The following PRKCA variants were observed in gnomAD, a reference collection of about 807,000 sequenced individuals.
The protein encoded by PRKCA is protein kinase C alpha.
In PRKCA, 27 loss-of-function variants were observed where a neutral mutation model predicts 87.0. That is an observed-to-expected ratio of 0.31 (90% CI 0.23 to 0.43). PRKCA has a LOEUF of 0.43. Ranked by LOEUF, PRKCA falls within the 20% of genes least tolerant of loss-of-function variation. The pLI is 1.00. For synonymous variants in PRKCA, 329 were observed against 311.1 expected, an observed-to-expected ratio of 1.06 and a Z score of -0.61; for missense variants, 518 against 852.3, an observed-to-expected ratio of 0.61 and a Z score of 4.88.
chr17:66,340,261 A>G (rs1385189050), intron 2 of PRKCA, among the ~76,000 whole-genome samples: 1 of 152,122 alleles, frequency 6.6e-6, no homozygotes, highest in African/African-American at 2.4e-5. Context: ...GATAATCTCA[A>G]TAATAGAAAA....
At chr17:66,579,191 A>G (rs1248891618) in intron 3 of PRKCA, among the ~76,000 whole-genome samples, 3 of 152,348 alleles carry the variant, frequency 2.0e-5, no homozygotes, top group Middle Eastern at 3.4e-3. Context: ...TAGGGAAGAC[A>G]GACATCAAGC....
rs190428211 is a variant in PRKCA at position 66,306,886 on chromosome 17, C to T, written c.205+759C>T. ...TTAGCTAACTTTTCTGGCTCTCCTG[C>T]TCATTGTCTATATTGTGTTTATTTA... On this transcript the variant is annotated intron_variant, in intron 2 of 16. Coordinates refer to ENST00000413366, the MANE Select transcript of PRKCA (RefSeq NM_002737.3). 8.9e-4 allele frequency among the ~76,000 whole-genome samples: 136 copies of T among 152,234 alleles called. No individual in the cohort carries two copies. The Middle Eastern group carries it at 0.014, about 15-fold the overall frequency.
At chr17:66,739,638 A>G (rs1974113004) in intron 11 of PRKCA, among the ~76,000 whole-genome samples, 1 of 152,170 alleles carries the variant, frequency 6.6e-6, no homozygotes, top group Non-Finnish European at 1.5e-5. Context: ...AACCCCACGA[A>G]ATGACCGGCT....
intron 2 of PRKCA, among the ~76,000 whole-genome samples, chr17:66,388,994 G>A (rs1367554480): frequency 3.9e-5 from 6 of 152,276 alleles, no homozygotes; most frequent in Middle Eastern, 3.4e-3. Context: ...GTGGGAAATC[G>A]TGAATTCGTG....
chr17:66,342,892 A>ATC (rs750327860), intron 2 of PRKCA, among the ~76,000 whole-genome samples: 46 of 152,356 alleles, frequency 3.0e-4, no homozygotes, highest in Admixed American at 5.2e-4. Context: ...ATTACTTGTC[A>ATC]TCCATCCTTG....
chr17:66,508,918 C>T (rs1348332089), intron 3 of PRKCA, among the ~76,000 whole-genome samples: 2 of 152,178 alleles, frequency 1.3e-5, no homozygotes. Flanking sequence ...TACAGAGTCA[C>T]TCACAGCGGC....
At chr17:66,558,511 A>C (rs1327256522) in intron 3 of PRKCA, among the ~76,000 whole-genome samples, 3 of 152,310 alleles carry the variant, frequency 2.0e-5, no homozygotes, top group South Asian at 2.1e-4. Context: ...CACCCGGGGC[A>C]AAGGGGGACC....
intron 2 of PRKCA, among the ~76,000 whole-genome samples, chr17:66,341,225 CA>C (rs1198676464): frequency 6.6e-6 from 1 of 152,158 alleles, no homozygotes; most frequent in African/African-American, 2.4e-5. Flanking sequence ...TGGCAAGCCT[CA>C]CCATTTCTTC....
At chr17:66,772,370 TA>T (rs1317895501) in intron 13 of PRKCA, among the ~76,000 whole-genome samples, 1 of 152,184 alleles carries the variant, frequency 6.6e-6, no homozygotes, top group Non-Finnish European at 1.5e-5. Context: ...TGCCCACACT[TA>T]AACTGTTGGT....
chr17:66,497,496 CAAA>C, intron 3 of PRKCA, among the ~76,000 whole-genome samples: 1 of 112,178 alleles, frequency 8.9e-6, no homozygotes, highest in South Asian at 2.8e-4. Flanking sequence ...AACTCCGTCT[CAAA>C]AAAAAAAAAA....
intron 2 of PRKCA, among the ~76,000 whole-genome samples, chr17:66,483,282 A>C (rs148642561): frequency 7.1e-4 from 108 of 152,030 alleles, no homozygotes; most frequent in African/African-American, 2.5e-3. Flanking sequence ...GTTCCCTCAG[A>C]GAGCTGCAAG....
intron 2 of PRKCA, among the ~76,000 whole-genome samples, chr17:66,458,493 T>C (rs1340756622): frequency 6.6e-6 from 1 of 152,014 alleles, no homozygotes; most frequent in Non-Finnish European, 1.5e-5. Flanking sequence ...TTCCTTTTTT[T>C]TTTTGAGACG....
intron 2 of PRKCA, among the ~76,000 whole-genome samples, chr17:66,436,962 C>T (rs987384925): frequency 6.6e-6 from 1 of 152,050 alleles, no homozygotes; most frequent in Non-Finnish European, 1.5e-5. Flanking sequence ...AGCCGTTCAG[C>T]TGTGGGATGA....
rs189039130 is a variant in PRKCA, at chr17:66,641,486, C to T, written c.400+20C>T. On this transcript the variant is annotated intron_variant, in intron 4 of 16. Transcript: ENST00000413366. ...GTGACAGTAAGTAAGTTTTCTTTTC[C>T]AGTTCATAGCGAGGCTCTGTAGCTC... 1.8e-3 allele frequency: 2,789 copies of T among 1,569,662 alleles called. 9 individuals carry two copies. Among genetic ancestry groups the T allele is most frequent in the Non-Finnish European group, 1.6e-3 (1,866 of 1,143,438 alleles).
intron 16 of PRKCA, among the ~76,000 whole-genome samples, chr17:66,791,491 G>A (rs1975534548): frequency 6.6e-6 from 1 of 152,248 alleles, no homozygotes; most frequent in African/African-American, 2.4e-5. Flanking sequence ...CGTAGACGCT[G>A]TGTTCAAAAG....
intron 14 of PRKCA, among the ~76,000 whole-genome samples, chr17:66,779,677 A>G (rs1975156994): frequency 6.6e-6 from 1 of 152,120 alleles, no homozygotes; most frequent in South Asian, 2.1e-4. Context: ...CCTTTTTTGC[A>G]AAATGTGAAC....
intron 13 of PRKCA, among the ~76,000 whole-genome samples, chr17:66,761,054 T>G (rs958073961): frequency 6.6e-6 from 1 of 152,198 alleles, no homozygotes; most frequent in Non-Finnish European, 1.5e-5. Context: ...CAATTGTACA[T>G]AGAGCCACAA....
At chr17:66,409,202 G>A (rs1204518923) in intron 2 of PRKCA, among the ~76,000 whole-genome samples, 2 of 152,140 alleles carry the variant, frequency 1.3e-5, no homozygotes, top group Non-Finnish European at 2.9e-5. Context: ...CCAGGGCTGG[G>A]ATGGGATGGA....
At chr17:66,334,095 A>G (rs1837859444) in intron 2 of PRKCA, among the ~76,000 whole-genome samples, 1 of 152,104 alleles carries the variant, frequency 6.6e-6, no homozygotes, top group African/African-American at 2.4e-5. Flanking sequence ...TACTAAATAT[A>G]CAAAAATTAG....
Sources: gnomAD v4.1 joint callset for allele counts (sites outside exome capture counted in the v4.1 genomes callset) on GRCh38, gnomAD v4.1.1 for gene constraint, MANE v1.5 for transcripts, NCBI Gene and HGNC (gene_info 2026-07-23, HGNC 2026-07-21) for gene names.